DLG2: variants seen among roughly 807,000 people sequenced by gnomAD.
DLG2 encodes disks large homolog 2.
A neutral mutation model predicts 132.5 loss-of-function variants in DLG2; 45 were observed. That is an observed-to-expected ratio of 0.34 (90% CI 0.27 to 0.44). The LOEUF (loss-of-function observed/expected upper bound fraction) is 0.44. Ranked by LOEUF, DLG2 falls within the 20% of genes least tolerant of loss-of-function variation. The probability of loss-of-function intolerance (pLI) is 1.00; values close to 1 mark genes in which losing one functional copy is unlikely to be tolerated. For synonymous variants in DLG2, 424 were observed against 419.6 expected, an observed-to-expected ratio of 1.01 and a Z score of -0.13; for missense variants, 1,045 against 1,196.9, an observed-to-expected ratio of 0.87 and a Z score of 1.87.
At chr11:83,993,358 T>C (rs1299291112) in intron 11 of DLG2, among the ~76,000 whole-genome samples, 2 of 152,172 alleles carry the variant, frequency 1.3e-5, no homozygotes, top group African/African-American at 2.4e-5. Context: ...CTTTAGTTGA[T>C]TGCTTTAGCT....
intron 3 of DLG2, among the ~76,000 whole-genome samples, chr11:85,356,035 T>C (rs902259570): frequency 2.0e-5 from 3 of 152,172 alleles, no homozygotes; most frequent in Admixed American, 1.3e-4. Flanking sequence ...AGCTTAGAGA[T>C]GAAAGAATCT....
chr11:84,619,598 A>G (rs1355592427), intron 6 of DLG2, among the ~76,000 whole-genome samples: 1 of 151,690 alleles, frequency 6.6e-6, no homozygotes, highest in African/African-American at 2.4e-5. Context: ...ACCCCAATCA[A>G]TATAATCACA....
At chr11:83,604,947 TAG>T (rs2059107010) in intron 19 of DLG2, among the ~76,000 whole-genome samples, 1 of 151,504 alleles carries the variant, frequency 6.6e-6, no homozygotes, top group South Asian at 2.1e-4. Flanking sequence ...CAAATCAGAA[TAG>T]AGTCATTAAT....
chr11:84,585,589 A>G (rs542361187), intron 6 of DLG2, among the ~76,000 whole-genome samples: 13 of 152,358 alleles, frequency 8.5e-5, no homozygotes, highest in Non-Finnish European at 1.2e-4. Context: ...CTACAGATCA[A>G]TTTGGAAGGA....
intron 6 of DLG2, among the ~76,000 whole-genome samples, chr11:85,070,880 G>A (rs2065760883): frequency 6.6e-6 from 1 of 151,710 alleles, no homozygotes; most frequent in Non-Finnish European, 1.5e-5. Flanking sequence ...CCTTCATGTT[G>A]GTACGTAGGT....
intron 9 of DLG2, among the ~76,000 whole-genome samples, chr11:84,120,167 G>C (rs1224462242): frequency 6.6e-6 from 1 of 151,976 alleles, no homozygotes; most frequent in East Asian, 1.9e-4. Flanking sequence ...ATGTCTGTAA[G>C]GCTCATTTGA....
chr11:85,271,590 C>G (rs2077533681), intron 4 of DLG2, among the ~76,000 whole-genome samples: 1 of 152,232 alleles, frequency 6.6e-6, no homozygotes, highest in South Asian at 2.1e-4. Flanking sequence ...AGGGAGGCTA[C>G]CTTGCATAGC....
chr11:84,981,147 C>T (rs1406591198), intron 6 of DLG2, among the ~76,000 whole-genome samples: 3 of 152,024 alleles, frequency 2.0e-5, no homozygotes, highest in Non-Finnish European at 4.4e-5. Flanking sequence ...GAGTCATGGA[C>T]TCTATATGCT....
At chr11:84,672,403 G>A (rs779359686) in intron 6 of DLG2, among the ~76,000 whole-genome samples, 5 of 152,056 alleles carry the variant, frequency 3.3e-5, no homozygotes, top group African/African-American at 7.2e-5. Context: ...CAGAGAGAGC[G>A]ATCTGGTAGA....
intron 6 of DLG2, among the ~76,000 whole-genome samples, chr11:84,770,883 C>T (rs899393506): frequency 1.1e-4 from 17 of 151,820 alleles, no homozygotes; most frequent in Admixed American, 3.3e-4. Flanking sequence ...TCCTGACCCT[C>T]GTGATCTGCC....
intron 8 of DLG2, among the ~76,000 whole-genome samples, chr11:84,241,116 T>C (rs1055716860): frequency 1.3e-5 from 2 of 152,220 alleles, no homozygotes; most frequent in African/African-American, 2.4e-5. Flanking sequence ...TTTTTATTCT[T>C]TAAGAGCTAG....
intron 4 of DLG2, among the ~76,000 whole-genome samples, chr11:85,245,920 T>A (rs916031150): frequency 2.0e-5 from 3 of 152,012 alleles, no homozygotes; most frequent in African/African-American, 7.2e-5. Flanking sequence ...AAAATCCACA[T>A]AGGTAATTCC....
chr11:84,913,208 T>G (rs1233427052), intron 6 of DLG2, among the ~76,000 whole-genome samples: 1 of 152,200 alleles, frequency 6.6e-6, no homozygotes, highest in Non-Finnish European at 1.5e-5. Flanking sequence ...TTTAAAAGAA[T>G]CATTAAAACC....
intron 6 of DLG2, among the ~76,000 whole-genome samples, chr11:84,752,172 G>C (rs2066206210): frequency 6.6e-6 from 1 of 152,134 alleles, no homozygotes; most frequent in African/African-American, 2.4e-5. Context: ...TGCTTGCCTG[G>C]CTTTCTAGCC....
intron 16 of DLG2, among the ~76,000 whole-genome samples, chr11:83,847,298 T>C (rs2058817878): frequency 6.6e-6 from 1 of 152,110 alleles, no homozygotes; most frequent in Non-Finnish European, 1.5e-5. Context: ...TATTCAAAAA[T>C]AGGATTAGAG....
At chr11:84,308,350 G>A (rs1287846721) in intron 7 of DLG2, among the ~76,000 whole-genome samples, 1 of 152,162 alleles carries the variant, frequency 6.6e-6, no homozygotes, top group African/African-American at 2.4e-5. Context: ...CACAATCCCT[G>A]AGCTAGACAC....
intron 3 of DLG2, among the ~76,000 whole-genome samples, chr11:85,522,028 G>A (rs980565091): frequency 2.6e-5 from 4 of 152,174 alleles, no homozygotes; most frequent in South Asian, 2.1e-4. Flanking sequence ...AGACAATGGG[G>A]AAAATGTTTC....
chr11:83,881,617 T>C (rs1343801169), intron 15 of DLG2, among the ~76,000 whole-genome samples: 1 of 152,216 alleles, frequency 6.6e-6, no homozygotes, highest in Non-Finnish European at 1.5e-5. Flanking sequence ...AGTCCACAAG[T>C]TGCGCTGTTG....
intron 7 of DLG2, among the ~76,000 whole-genome samples, chr11:84,509,136 A>C (rs2099250324): frequency 6.6e-6 from 1 of 152,202 alleles, no homozygotes; most frequent in South Asian, 2.1e-4. Flanking sequence ...AATAACTCAA[A>C]ACTGGAGTTT....
Sources: gnomAD v4.1 joint callset for allele counts (sites outside exome capture counted in the v4.1 genomes callset) on GRCh38, gnomAD v4.1.1 for gene constraint, MANE v1.5 for transcripts, NCBI Gene and HGNC (gene_info 2026-07-23, HGNC 2026-07-21) for gene names.